JPT2: variants seen among roughly 807,000 people sequenced by gnomAD.
JPT2 encodes Jupiter microtubule associated homolog 2.
In JPT2, 9 loss-of-function variants were observed where a neutral mutation model predicts 15.9. The observed-to-expected ratio is 0.57, with a 90% CI of 0.34 to 0.99. The LOEUF is 0.99. JPT2 is among the 50% of genes least tolerant of loss of function. The probability of loss-of-function intolerance (pLI) is 0.02; values close to 1 mark genes in which losing one functional copy is unlikely to be tolerated. For missense variants in JPT2, 267 were observed against 252.1 expected (o/e 1.06, Z -0.40); for synonymous variants, 95 against 91.7 (o/e 1.04, Z -0.21).
chr16:1,702,106 T>C (rs2037184072), downstream of JPT2: 1 of 454,976 alleles, frequency 2.2e-6, no homozygotes, highest in Non-Finnish European at 4.4e-6. Flanking sequence ...TATTTTCATA[T>C]GTTTTCTAAC....
At chr16:1,693,845 G>A (rs2037122289) in intron 3 of JPT2, among the ~76,000 whole-genome samples, 1 of 151,840 alleles carries the variant, frequency 6.6e-6, no homozygotes, top group South Asian at 2.1e-4. Flanking sequence ...GGGGAACAAG[G>A]TGAAGAGCAG....
Position 1,692,333 on chromosome 16 carries a change from T to C in JPT2, c.336+348T>C, listed in dbSNP as rs1596508481. Reference sequence around the variant, plus strand: ...AGCTGGGCCCTTGTCCGTCTTCCACTCTTCCTGTTTCACCTTGCAGAGGAA... The same window carrying C: ...AGCTGGGCCCTTGTCCGTCTTCCACCCTTCCTGTTTCACCTTGCAGAGGAA... On this transcript the variant is annotated intron_variant, in intron 3 of 4. Coordinates refer to ENST00000248098, the MANE Select transcript of JPT2 (RefSeq NM_144570.3). The C allele has an allele frequency of 1.8e-5, 5 of 278,764 alleles. No individual in the cohort carries two copies. In the East Asian group the frequency reaches 4.1e-4, roughly 23 times the overall value. The allele number at this position is 278,764 out of a possible 1,614,324, so 17.3% of individuals were successfully genotyped here.
chr16:1,700,697 CAT>C lies in JPT2; in HGVS notation c.*1700_*1701del, dbSNP rs1390484472. 2 of 153,034 alleles carry C rather than the reference CAT, an allele frequency of 1.3e-5. No homozygotes were observed. The highest frequency in any genetic ancestry group is 2.9e-5 in the Non-Finnish European group (2 of 68,366). The allele number at this position is 153,034 out of a possible 1,614,324, so 9.5% of individuals were successfully genotyped here. A position where few individuals can be genotyped will look rare whatever the true frequency, so the allele number is the denominator to read the frequency against. On this transcript the variant is annotated 3_prime_UTR_variant, in exon 5 of 5. Coordinates refer to ENST00000248098, the MANE Select transcript of JPT2 (RefSeq NM_144570.3). ...CTTCAGGTGGTTTGTGCTTCAAAGTCATTGATGCAACTTGAAAGGAAACAGTT... is the reference window on the plus strand; with the variant it reads ...CTTCAGGTGGTTTGTGCTTCAAAGTCTGATGCAACTTGAAAGGAAACAGTT...
intron 3 of JPT2, chr16:1,692,270 C>T (rs2037109100): frequency 1.4e-5 from 6 of 420,386 alleles, no homozygotes; most frequent in Admixed American, 4.1e-5. Context: ...TGCTGCGGGG[C>T]GCGGAGAAGC....
At chr16:1,679,781 TGCA>T (rs2037006406) in intron 1 of JPT2, among the ~76,000 whole-genome samples, 1 of 149,414 alleles carries the variant, frequency 6.7e-6, no homozygotes, top group South Asian at 2.1e-4. Flanking sequence ...CGTGGCAGGG[TGCA>T]GTGACTCAAC....
intron 1 of JPT2, among the ~76,000 whole-genome samples, chr16:1,679,352 A>G (rs1360248339): frequency 1.3e-5 from 2 of 152,222 alleles, no homozygotes; most frequent in East Asian, 3.8e-4. Flanking sequence ...CAAATACTAT[A>G]TTGAATAAAT....
chr16:1,691,295 C>A (rs932500100), intron 2 of JPT2, among the ~76,000 whole-genome samples: 1 of 152,158 alleles, frequency 6.6e-6, no homozygotes, highest in African/African-American at 2.4e-5. Context: ...TAGTTGGCAA[C>A]AAAGATGTTA....
In JPT2 at chr16:1,698,975, A is replaced by C; in HGVS notation, c.550A>C (p.Lys184Gln). The C allele has an allele frequency of 6.2e-7, 1 of 1,613,188 alleles. No homozygotes were observed. Among genetic ancestry groups the C allele is most frequent in the African/African-American group, 1.3e-5 (1 of 74,998 alleles). ...HNKVLNPPGG[K>Q]SSISFY ...CAAGGTCCTGAACCCACCGGGAGGC[A>C]AATCCAGCATCTCCTTCTACTAAGA... The change falls in exon 5 of 5, where the codon AAA (lysine) becomes CAA (glutamine). Residue 184 changes from lysine to glutamine, a missense_variant. Transcript: ENST00000248098. The surrounding 1 kb of genome is among the most constrained non-coding windows in gnomAD (Gnocchi z 4.9).
At chr16:1,679,709 A>C (rs1441863503) in intron 1 of JPT2, among the ~76,000 whole-genome samples, 4 of 148,968 alleles carry the variant, frequency 2.7e-5, no homozygotes, top group African/African-American at 1.0e-4. Flanking sequence ...AAAAAAAAAA[A>C]ACCCTTTAGA....
At chr16:1,702,507 C>T (rs920873531), downstream of JPT2, among the ~76,000 whole-genome samples, 13 of 152,330 alleles carry the variant, frequency 8.5e-5, no homozygotes, top group Admixed American at 5.2e-4. Flanking sequence ...TAACAGACCC[C>T]GAAGGGTTGC....
chr16:1,681,138 TA>T (rs2037019539), intron 1 of JPT2, among the ~76,000 whole-genome samples: 1 of 152,192 alleles, frequency 6.6e-6, no homozygotes, highest in South Asian at 2.1e-4. Flanking sequence ...CTCCCCCTAT[TA>T]GTGTCATAGT....
At chr16:1,688,772 G>A (rs1027575308) in intron 2 of JPT2, 7 of 152,240 alleles carry the variant, frequency 4.6e-5, no homozygotes, top group African/African-American at 1.7e-4. Context: ...CAAAAATCTA[G>A]CAGGAGGAAA....
chr16:1,696,406 A>G (rs1345386048), intron 3 of JPT2, among the ~76,000 whole-genome samples: 1 of 152,016 alleles, frequency 6.6e-6, no homozygotes, highest in Non-Finnish European at 1.5e-5. Flanking sequence ...CTGTACTCCC[A>G]GCTACTCTGG....
chr16:1,685,620 C>A lies in JPT2; in HGVS notation c.193+33C>A, dbSNP rs762008257. On this transcript the variant is annotated intron_variant, in intron 2 of 4. Coordinates refer to ENST00000248098, the MANE Select transcript of JPT2 (RefSeq NM_144570.3). The stretch of plus-strand genomic sequence containing the variant: ...CCTTTGGAAATCCTTAATCCTTTGG[C>A]CTCCACGATTCTCTTTTGAAAATAT... 13 of 1,589,338 alleles carry A rather than the reference C, an allele frequency of 8.2e-6. No homozygotes were observed. The South Asian group carries it at 1.0e-4, about 13-fold the overall frequency.
intron 3 of JPT2, among the ~76,000 whole-genome samples, chr16:1,694,123 G>A (rs2037124181): frequency 6.6e-6 from 1 of 152,182 alleles, no homozygotes; most frequent in African/African-American, 2.4e-5. Flanking sequence ...AAGTTTCTGG[G>A]ATGTAAGTGA....
chr16:1,689,064 G>C (rs551750053), intron 2 of JPT2: 3 of 152,224 alleles, frequency 2.0e-5, no homozygotes, highest in African/African-American at 7.2e-5. Flanking sequence ...GACTTTGGCA[G>C]TGGTTACCTG....
chr16:1,680,388 A>G lies in JPT2; in HGVS notation c.44+2032A>G, dbSNP rs572256470. ...AGCTGCACAGGGCCGCACTAAAGTCATACTCACACTACCCTGGGGGACTGG... is the reference window on the plus strand; with the variant it reads ...AGCTGCACAGGGCCGCACTAAAGTCGTACTCACACTACCCTGGGGGACTGG... On this transcript the variant is annotated intron_variant, in intron 1 of 4. Transcript: ENST00000248098. 84 of 1,079,588 alleles carry G rather than the reference A, an allele frequency of 7.8e-5. No individual in the cohort carries two copies. In the African/African-American group the frequency reaches 1.3e-3, roughly 17 times the overall value. The allele number at this position is 1,079,588 out of a possible 1,614,324, so 66.9% of individuals were successfully genotyped here.
In JPT2 at chr16:1,700,283, G is replaced by A. The variant is rs1364739294; in HGVS notation, c.*1285G>A. 3 of 405,610 alleles carry A rather than the reference G, an allele frequency of 7.4e-6. No individual in the cohort carries two copies. The highest frequency in any genetic ancestry group is 4.1e-5 in the African/African-American group (2 of 48,818). 25.1% of individuals were successfully genotyped at this position (405,610 alleles called of 1,614,324 possible). On this transcript the variant is annotated 3_prime_UTR_variant, in exon 5 of 5. Transcript: ENST00000248098. ...CTCACTCAGCTAATGGGATGGCAAA[G>A]GTGGTGGTGCTTTCATCTTCAGGCA...
chr16:1,690,944 C>G (rs1244219283), intron 2 of JPT2, among the ~76,000 whole-genome samples: 1 of 152,244 alleles, frequency 6.6e-6, no homozygotes, highest in Non-Finnish European at 1.5e-5. Flanking sequence ...TATCCCCATT[C>G]TACAGATGAG....
Sources: allele counts gnomAD v4.1 joint callset (sites outside exome capture counted in the v4.1 genomes callset), GRCh38; gene constraint gnomAD v4.1.1; non-coding constraint Gnocchi (gnomAD v3.1); transcripts MANE v1.5; gene names NCBI Gene and HGNC (gene_info 2026-07-23, HGNC 2026-07-21).